Variants in FHOD3 observed in about 807,000 individuals in gnomAD.
FHOD3 encodes the protein FH1/FH2 domain-containing protein 3.
In FHOD3, 90 loss-of-function variants were observed where a neutral mutation model predicts 173.0. The ratio of observed to expected loss-of-function variants is 0.52; its 90% confidence interval spans 0.44 to 0.62. The LOEUF (loss-of-function observed/expected upper bound fraction) is 0.62. FHOD3 is among the 20% of genes least tolerant of loss of function. The pLI, the probability that FHOD3 is intolerant of heterozygous loss-of-function variation, is 0.00. For synonymous variants in FHOD3, 828 were observed against 823.0 expected (o/e 1.01, Z -0.10); for missense variants, 1,945 against 2,034.7 (o/e 0.96, Z 0.85).
At chr18:36,566,531 T>TG (rs2058271001) in intron 5 of FHOD3, among the ~76,000 whole-genome samples, 1 of 152,182 alleles carries the variant, frequency 6.6e-6, no homozygotes, top group Non-Finnish European at 1.5e-5. Context: ...GGAGGTGTAG[T>TG]GGGGACCCTG....
intron 3 of FHOD3, among the ~76,000 whole-genome samples, chr18:36,391,821 C>T (rs1447854639): frequency 1.6e-4 from 24 of 152,286 alleles, no homozygotes; most frequent in South Asian, 4.1e-4. Flanking sequence ...TCCAGACAAA[C>T]CATGTGGCCC....
At chr18:36,743,726 A>G (rs1388299734) in intron 22 of FHOD3, among the ~76,000 whole-genome samples, 2 of 152,228 alleles carry the variant, frequency 1.3e-5, no homozygotes, top group Admixed American at 6.5e-5. Flanking sequence ...GTAGACAACA[A>G]CAGGCAAAGG....
At chr18:36,735,303 G>A (rs898432670) in intron 20 of FHOD3, among the ~76,000 whole-genome samples, 3 of 152,182 alleles carry the variant, frequency 2.0e-5, no homozygotes, top group Non-Finnish European at 2.9e-5. Flanking sequence ...AGCTGCGCAG[G>A]TGCTGGATAC....
intron 5 of FHOD3, among the ~76,000 whole-genome samples, chr18:36,519,378 C>A (rs1306091046): frequency 6.6e-6 from 1 of 152,204 alleles, no homozygotes; most frequent in Non-Finnish European, 1.5e-5. Flanking sequence ...TCTGGTGTTT[C>A]TGGATGGATC....
At chr18:36,308,740 A>G (rs1395279630) in intron 1 of FHOD3, among the ~76,000 whole-genome samples, 1 of 152,224 alleles carries the variant, frequency 6.6e-6, no homozygotes, top group African/African-American at 2.4e-5. Flanking sequence ...TTCCTAGGAC[A>G]GGGTCTGTTA....
Position 36,637,842 on chromosome 18 carries a change from T to C in FHOD3, c.1197-11474T>C, listed in dbSNP as rs60350773. On this transcript the variant is annotated intron_variant, in intron 10 of 28. Transcript: ENST00000590592. The stretch of plus-strand genomic sequence containing the variant: ...CCCTGTGGTACAGCATGGCAAACAA[T>C]TGGGGACTAGCTAGATCAGTAAAAC... Among the ~76,000 whole-genome samples the C allele has an allele frequency of 5.4e-3, 819 of 152,238 alleles. 10 individuals carry two copies. Among genetic ancestry groups the C allele is most frequent in the African/African-American group, 0.019 (773 of 41,528 alleles).
intron 3 of FHOD3, among the ~76,000 whole-genome samples, chr18:36,439,434 A>G (rs542269117): frequency 7.2e-5 from 11 of 152,024 alleles, no homozygotes; most frequent in African/African-American, 2.4e-4. Context: ...ATCCTCCCAC[A>G]CTCTAGGACT....
intron 1 of FHOD3, among the ~76,000 whole-genome samples, chr18:36,339,305 G>C (rs1191204679): frequency 6.6e-6 from 1 of 152,114 alleles, no homozygotes; most frequent in Non-Finnish European, 1.5e-5. Context: ...GCAGATGAGG[G>C]CAGGCAGCAG....
At chr18:36,577,111 T>C (rs1599727130) in intron 6 of FHOD3, among the ~76,000 whole-genome samples, 3 of 151,800 alleles carry the variant, frequency 2.0e-5, no homozygotes, top group African/African-American at 7.3e-5. Flanking sequence ...AAAAAAGTTA[T>C]ACCATAGATG....
At chr18:36,335,159 CAT>C (rs1163357329) in intron 1 of FHOD3, among the ~76,000 whole-genome samples, 1 of 152,174 alleles carries the variant, frequency 6.6e-6, no homozygotes, top group Non-Finnish European at 1.5e-5. Flanking sequence ...TTGGGCCACA[CAT>C]AAAATACACT....
intron 19 of FHOD3, among the ~76,000 whole-genome samples, chr18:36,726,230 C>CT: frequency 6.6e-6 from 1 of 151,868 alleles, no homozygotes; most frequent in South Asian, 2.1e-4. Context: ...GTTGAAACTT[C>CT]TTATCCAGGA....
chr18:36,489,771 A>T (rs1331840896), intron 3 of FHOD3, among the ~76,000 whole-genome samples: 2 of 152,236 alleles, frequency 1.3e-5, no homozygotes, highest in Non-Finnish European at 2.9e-5. Context: ...GAAATTAAGA[A>T]AAAGAATTAT....
At chr18:36,358,633 A>C (rs1275405132) in intron 2 of FHOD3, among the ~76,000 whole-genome samples, 1 of 152,204 alleles carries the variant, frequency 6.6e-6, no homozygotes, top group Non-Finnish European at 1.5e-5. Flanking sequence ...GTAGCCCAAA[A>C]GATATTGAAT....
intron 2 of FHOD3, among the ~76,000 whole-genome samples, chr18:36,359,712 C>T (rs990074326): frequency 5.3e-5 from 8 of 152,136 alleles, no homozygotes; most frequent in African/African-American, 1.7e-4. Context: ...CAGGCTTTAC[C>T]ATTAGTCTCA....
In FHOD3 at chr18:36,359,780, T is replaced by C. The variant is rs144120569; in HGVS notation, c.272+4135T>C. On this transcript the variant is annotated intron_variant, in intron 2 of 28. Coordinates refer to ENST00000590592, the MANE Select transcript of FHOD3 (RefSeq NM_001281740.3). ...TCTCTGAACCTCAGTTTCCTTATAA[T>C]TGGGGGCAATATTATCATAATACTG... Among the ~76,000 whole-genome samples, 738 of 152,284 alleles carry C rather than the reference T, an allele frequency of 4.8e-3. 1 individual carries two copies. Among genetic ancestry groups the C allele is most frequent in the Middle Eastern group, 0.02 (6 of 294 alleles).
chr18:36,767,974 G>A (rs1195931872), intron 27 of FHOD3, among the ~76,000 whole-genome samples: 3 of 152,126 alleles, frequency 2.0e-5, no homozygotes, highest in African/African-American at 7.2e-5. Context: ...ATTAGTGTGG[G>A]AGAACTCAAA....
At chr18:36,553,176 A>T (rs1383982900) in intron 5 of FHOD3, among the ~76,000 whole-genome samples, 7 of 152,292 alleles carry the variant, frequency 4.6e-5, no homozygotes, top group African/African-American at 1.7e-4. Context: ...AGCCCACTTG[A>T]TCATGGTGGA....
chr18:36,492,644 G>A (rs192950367), intron 3 of FHOD3, among the ~76,000 whole-genome samples: 2 of 152,234 alleles, frequency 1.3e-5, no homozygotes, highest in African/African-American at 4.8e-5. Context: ...TATAATCCAA[G>A]GGAATTGGGA....
At chr18:36,394,589 A>G (rs1163790576) in intron 3 of FHOD3, among the ~76,000 whole-genome samples, 1 of 152,156 alleles carries the variant, frequency 6.6e-6, no homozygotes, top group Non-Finnish European at 1.5e-5. Context: ...TTGAAGTTTG[A>G]GTTGTCCCAT....
Sources: gnomAD v4.1 joint callset for allele counts (sites outside exome capture counted in the v4.1 genomes callset) on GRCh38, gnomAD v4.1.1 for gene constraint, MANE v1.5 for transcripts, NCBI Gene and HGNC (gene_info 2026-07-23, HGNC 2026-07-21) for gene names.